Variants in ZNF430 observed in about 807,000 individuals in gnomAD.
ZNF430 encodes the protein zinc finger protein 430.
ZNF430 carries 35 observed loss-of-function variants against 56.7 expected under a neutral mutation model. That is an observed-to-expected ratio of 0.62 (90% CI 0.47 to 0.82). The LOEUF (loss-of-function observed/expected upper bound fraction) is 0.82. ZNF430 is among the 40% of genes least tolerant of loss of function. ZNF430 has a pLI of 0.00. For synonymous variants in ZNF430, 212 were observed against 224.3 expected (o/e 0.94, Z 0.49); for missense variants, 574 against 661.0 (o/e 0.87, Z 1.44).
intron 4 of ZNF430, among the ~76,000 whole-genome samples, chr19:21,046,006 A>T (rs1968180875): frequency 6.6e-6 from 1 of 152,094 alleles, no homozygotes; most frequent in Admixed American, 6.6e-5. Flanking sequence ...GTGTCTTTTA[A>T]TGAGGGCATT....
At chr19:21,049,423 A>G (rs975810519) in intron 4 of ZNF430, 6 of 152,060 alleles carry the variant, frequency 3.9e-5, no homozygotes, top group African/African-American at 4.8e-5. Context: ...AGCTTTATAT[A>G]TGGTTTTATG....
intron 2 of ZNF430, among the ~76,000 whole-genome samples, chr19:21,028,498 C>G (rs1260726145): frequency 1.3e-5 from 2 of 152,150 alleles, no homozygotes; most frequent in Admixed American, 1.3e-4. Flanking sequence ...GCCTGAATCT[C>G]TCCAGCCTGG....
intron 1 of ZNF430, 71 bp downstream of exon 1, chr19:21,020,874 C>A (rs1974284633): frequency 6.2e-7 from 1 of 1,603,388 alleles, no homozygotes; most frequent in Admixed American, 1.7e-5. Context: ...GTGGCTGTGG[C>A]GGGACTCAGG....
intron 2 of ZNF430, chr19:21,025,912 T>A: frequency 2.4e-6 from 1 of 408,404 alleles, no homozygotes; most frequent in Non-Finnish European, 4.6e-6. Context: ...CAGCCATATC[T>A]TCTTAATACA....
rs1887526254 is a variant in ZNF430, at chr19:21,057,750, G to A, written c.1442G>A (p.Gly481Glu). ...ACTGCACATAAGGTAATTCATTCTGGAGAGAAACCCTACAAATGTGAAGAA... is the reference window on the plus strand; with the variant it reads ...ACTGCACATAAGGTAATTCATTCTGAAGAGAAACCCTACAAATGTGAAGAA... ...KLTAHKVIHS[G>E]EKPYKCEECG... Residue 481 changes from glycine (G) to glutamate (E), a missense_variant, in exon 5 of 5, where the codon GGA becomes GAA. Around this residue, in one of 3 missense-constraint regions of ZNF430, gnomAD observed 213 missense variants for 221.0 expected, o/e 0.96. Coordinates refer to ENST00000261560, the MANE Select transcript of ZNF430 (RefSeq NM_025189.4). The A allele has an allele frequency of 6.2e-7, 1 of 1,613,378 alleles. No homozygotes were observed. The highest frequency in any genetic ancestry group is 1.3e-5 in the African/African-American group (1 of 74,812).
At chr19:21,032,768 T>C (rs2144760340) in intron 2 of ZNF430, among the ~76,000 whole-genome samples, 1 of 152,064 alleles carries the variant, frequency 6.6e-6, no homozygotes, top group African/African-American at 2.4e-5. Context: ...AAGTTCAGAC[T>C]TTACTCCAGA....
At chr19:21,053,110 G>C (rs1200692098) in intron 4 of ZNF430, among the ~76,000 whole-genome samples, 4 of 151,984 alleles carry the variant, frequency 2.6e-5, no homozygotes, top group Non-Finnish European at 5.9e-5. Context: ...TTTGATTTGT[G>C]GCCCTAGTGG....
At chr19:21,027,383 T>A (rs1315462387) in intron 2 of ZNF430, among the ~76,000 whole-genome samples, 1 of 152,206 alleles carries the variant, frequency 6.6e-6, no homozygotes, top group Non-Finnish European at 1.5e-5. Flanking sequence ...AAAGTATTTT[T>A]AGCATCTATT....
At chr19:21,042,831 G>A (rs1055088270) in intron 4 of ZNF430, among the ~76,000 whole-genome samples, 2 of 151,856 alleles carry the variant, frequency 1.3e-5, no homozygotes, top group African/African-American at 4.8e-5. Context: ...ATTCTTACTG[G>A]CATAAGATGG....
At chr19:21,048,867 C>T (rs943193760) in intron 4 of ZNF430, among the ~76,000 whole-genome samples, 2 of 151,884 alleles carry the variant, frequency 1.3e-5, no homozygotes, top group African/African-American at 4.8e-5. Context: ...CTGCCCCCCA[C>T]CTCCCTCCCA....
In ZNF430 at chr19:21,057,282, C is replaced by T. The variant is rs1251361424; in HGVS notation, c.974C>T (p.Ala325Val). 3.1e-6 allele frequency: 5 copies of T among 1,612,784 alleles called. No homozygotes were observed. The highest frequency in any genetic ancestry group is 3.3e-5 in the Admixed American group (2 of 59,922). The change falls in exon 5 of 5, where the codon GCT becomes GTT. Residue 325 changes from alanine (A) to valine (V), a missense_variant. This residue lies in a region of ZNF430 where 346 missense variants were observed against 399.1 expected (regional missense o/e 0.87). Transcript: ENST00000261560. ...TACAGATGTGAAGAATGTGGCAGAG[C>T]TTTTAACCGGTCCTCACACCTTACT... The part of the protein sequence containing the change: ...KPYRCEECGR[A>V]FNRSSHLTTH...
chr19:21,034,660 C>T (rs1967964538), intron 4 of ZNF430: 1 of 152,564 alleles, frequency 6.6e-6, no homozygotes, highest in Non-Finnish European at 1.5e-5. Flanking sequence ...GCCTCAGCCT[C>T]CTGAGTAGGT....
intron 2 of ZNF430, 122 bp from the exon 3 acceptor site, chr19:21,033,334 G>T: frequency 1.5e-6 from 2 of 1,327,168 alleles, no homozygotes; most frequent in African/African-American, 1.5e-5. Context: ...GATAATTTCA[G>T]TCATTCCTGC....
At chr19:21,033,703 G>A in intron 3 of ZNF430, 121 bp downstream of exon 3, 1 of 1,195,806 alleles carries the variant, frequency 8.4e-7, no homozygotes, top group Non-Finnish European at 1.1e-6. Context: ...TTGTTCTTAA[G>A]AAAACCTTGA....
chr19:21,052,791 C>T (rs1484170085), intron 4 of ZNF430, among the ~76,000 whole-genome samples: 17 of 152,136 alleles, frequency 1.1e-4, no homozygotes, highest in Admixed American at 1.1e-3. Context: ...GTGTGAGAAA[C>T]AAACTCACCT....
rs546238189 is a variant in ZNF430, at chr19:21,057,234, G to A, written c.926G>A (p.Arg309Lys). 2.5e-6 allele frequency: 4 copies of A among 1,608,428 alleles called. No individual in the cohort carries two copies. The highest frequency in any genetic ancestry group is 3.4e-6 in the Non-Finnish European group (4 of 1,178,192). ...NRSSHLTTHK[R>K]IHTGEKPYRC... ...TCCTCACACCTTACTACACATAAAA[G>A]AATTCATACTGGAGAGAAACCCTAC... Residue 309 changes from arginine (R) to lysine (K), a missense_variant, in exon 5 of 5, where the codon AGA becomes AAA. Around this residue, in one of 3 missense-constraint regions of ZNF430, gnomAD observed 346 missense variants for 399.1 expected, o/e 0.87. Transcript: ENST00000261560.
rs112931402 is a variant in ZNF430 at position 21,055,440 on chromosome 19, T to A, written c.323-1191T>A. Among the ~76,000 whole-genome samples, 350 of 150,400 alleles carry A rather than the reference T, an allele frequency of 2.3e-3. 2 individuals carry two copies. Among genetic ancestry groups the A allele is most frequent in the African/African-American group, 7.7e-3 (319 of 41,210 alleles). ...TGTGTTTCTTCTTTTTTTAGTTTTTTTTTTTGTTTGTTTTTTGTTTTTTTG... is the reference window on the plus strand; with the variant it reads ...TGTGTTTCTTCTTTTTTTAGTTTTTATTTTTGTTTGTTTTTTGTTTTTTTG... On this transcript the variant is annotated intron_variant, in intron 4 of 4. Coordinates refer to ENST00000261560, the MANE Select transcript of ZNF430 (RefSeq NM_025189.4).
In ZNF430 at chr19:21,057,709, C is replaced by T; in HGVS notation, c.1401C>T (p.Asn467=). Residue 467 remains asparagine, a synonymous_variant, in exon 5 of 5, where the codon AAC becomes AAT. Coordinates refer to ENST00000261560, the MANE Select transcript of ZNF430 (RefSeq NM_025189.4). The part of the protein sequence containing the change: ...YKCEECGKAF[N]RSPKLTAHKV... ...GTGAAGAATGTGGCAAAGCCTTTAA[C>T]CGGTCCCCAAAACTTACTGCACATA... is the stretch of plus-strand genomic sequence containing the variant. The T allele has an allele frequency of 6.2e-7, 1 of 1,605,110 alleles. No homozygotes were observed. The highest frequency in any genetic ancestry group is 8.5e-7 in the Non-Finnish European group (1 of 1,175,852).
intron 4 of ZNF430, chr19:21,049,443 A>G (rs955572054): frequency 2.0e-5 from 3 of 152,222 alleles, no homozygotes; most frequent in African/African-American, 4.8e-5. Context: ...GATGCTGTCT[A>G]GCATCATTTT....
Sources: gnomAD v4.1 joint callset for allele counts (sites outside exome capture counted in the v4.1 genomes callset) on GRCh38, gnomAD v4.1.1 for gene constraint, gnomAD v4.1.1 regional missense constraint, MANE v1.5 for transcripts, NCBI Gene and HGNC (gene_info 2026-07-23, HGNC 2026-07-21) for gene names.